The following PCDHA11 variants were observed in gnomAD, a reference collection of about 807,000 sequenced individuals.
PCDHA11 encodes the protein protocadherin alpha 11.
In PCDHA11, 61 loss-of-function variants were observed where a neutral mutation model predicts 70.3. The observed-to-expected ratio is 0.87, with a 90% CI of 0.71 to 1.07. The LOEUF is 1.07. PCDHA11 is among the 50% of genes least tolerant of loss of function. The pLI, the probability that PCDHA11 is intolerant of heterozygous loss-of-function variation, is 0.00. For missense variants in PCDHA11, 1,324 were observed against 1,237.5 expected (o/e 1.07, Z -1.05); for synonymous variants, 633 against 555.1 (o/e 1.14, Z -1.97).
chr5:140,895,786 A>G (rs2065159984), intron 1 of PCDHA11, among the ~76,000 whole-genome samples: 2 of 152,080 alleles, frequency 1.3e-5, no homozygotes, highest in Non-Finnish European at 2.9e-5. Context: ...GTATTCAATG[A>G]CGTATATGTA....
chr5:140,925,499 T>C (rs2082524680), intron 1 of PCDHA11, among the ~76,000 whole-genome samples: 1 of 152,018 alleles, frequency 6.6e-6, no homozygotes, highest in African/African-American at 2.4e-5. Flanking sequence ...ACTGTCCCAA[T>C]ATCCACGCAA....
intron 3 of PCDHA11, among the ~76,000 whole-genome samples, chr5:140,987,465 T>C (rs1554249222): frequency 6.6e-6 from 1 of 152,130 alleles, no homozygotes; most frequent in Non-Finnish European, 1.5e-5. Flanking sequence ...TGTTAAGAGC[T>C]CAAGCTTGGG....
chr5:140,910,864 A>G (rs2153516118), intron 1 of PCDHA11, among the ~76,000 whole-genome samples: 1 of 152,266 alleles, frequency 6.6e-6, no homozygotes, highest in Non-Finnish European at 1.5e-5. Context: ...TCCATCCACC[A>G]TTATCCCACA....
chr5:140,890,350 T>C (rs1199144948), intron 1 of PCDHA11, among the ~76,000 whole-genome samples: 1 of 152,186 alleles, frequency 6.6e-6, no homozygotes, highest in Non-Finnish European at 1.5e-5. Flanking sequence ...GTTTACTATA[T>C]AGCAATGGAT....
intron 1 of PCDHA11, chr5:140,967,401 G>T (rs374310490): frequency 1.2e-6 from 2 of 1,611,944 alleles, no homozygotes; most frequent in Non-Finnish European, 1.7e-6. Flanking sequence ...CTGGTGCTGC[G>T]TAAGGGCCTA....
At chr5:140,884,388 T>C in intron 1 of PCDHA11, 1 of 1,613,960 alleles carries the variant, frequency 6.2e-7, no homozygotes, top group Non-Finnish European at 8.5e-7. Flanking sequence ...ATCTGCGCGG[T>C]GTCCAGCCTG....
chr5:141,000,774 G>A (rs1399583734), intron 3 of PCDHA11, among the ~76,000 whole-genome samples: 1 of 151,828 alleles, frequency 6.6e-6, no homozygotes, highest in Non-Finnish European at 1.5e-5. Context: ...AGGCATAGTG[G>A]CGCACACCTG....
intron 1 of PCDHA11, among the ~76,000 whole-genome samples, chr5:140,873,350 A>G (rs251374): frequency 0.7 from 106,869 of 152,104 alleles, 38,096 homozygotes; most frequent in African/African-American, 0.82. Context: ...TCCAGATGAA[A>G]TTTTTGGAAT....
At chr5:140,982,230 C>G (rs943404054) in intron 2 of PCDHA11, 9 of 619,854 alleles carry the variant, frequency 1.5e-5, no homozygotes, top group Admixed American at 3.8e-5. Flanking sequence ...TAATAAAAAA[C>G]AGAATTGCCA....
At chr5:140,978,924 GA>G (rs781894146) in intron 1 of PCDHA11, 24 bp from the exon 2 acceptor site, 202 of 1,613,894 alleles carry the variant, frequency 1.3e-4, no homozygotes, top group Middle Eastern at 6.6e-4. Context: ...CATTTTAACA[GA>G]AAACTCTCTT....
At position 140,869,217 on chromosome 5, in the gene PCDHA11, G is replaced by A; in HGVS notation, c.114G>A (p.Glu38=). The A allele has an allele frequency of 1.2e-6, 2 of 1,613,842 alleles. No homozygotes were observed. The highest frequency in any genetic ancestry group is 1.1e-5 in the South Asian group (1 of 91,068). ...SGQLHYSVSE[E]AKHGTFVGRI... ...AGCTCCACTACTCCGTCTCGGAGGA[G>A]GCCAAACACGGCACCTTCGTGGGCC... is the stretch of plus-strand genomic sequence containing the variant. Residue 38 remains glutamate (E), a synonymous_variant, in exon 1 of 4, where the codon GAG becomes GAA. Coordinates refer to ENST00000398640, the MANE Select transcript of PCDHA11 (RefSeq NM_018902.5).
At chr5:140,928,817 G>A (rs868908592) in intron 1 of PCDHA11, 1 of 1,614,118 alleles carries the variant, frequency 6.2e-7, no homozygotes, top group Non-Finnish European at 8.5e-7. Flanking sequence ...CGGGACCATG[G>A]AGACCCACCA....
chr5:140,935,157 A>G (rs982054485), intron 1 of PCDHA11, among the ~76,000 whole-genome samples: 1 of 152,214 alleles, frequency 6.6e-6, no homozygotes, highest in Non-Finnish European at 1.5e-5. Context: ...TATAATCTCA[A>G]CAACAGGTGT....
At chr5:140,897,560 T>C (rs1398247980) in intron 1 of PCDHA11, among the ~76,000 whole-genome samples, 1 of 152,200 alleles carries the variant, frequency 6.6e-6, no homozygotes, top group Non-Finnish European at 1.5e-5. Flanking sequence ...GGTGTATATG[T>C]GCCACATTTT....
chr5:140,875,402 C>T, intron 1 of PCDHA11: 1 of 1,488,874 alleles, frequency 6.7e-7, no homozygotes, highest in Non-Finnish European at 8.9e-7. Flanking sequence ...AGGGTGACTG[C>T]TCATAAAATA....
chr5:140,920,387 A>G (rs1163833842), intron 1 of PCDHA11, among the ~76,000 whole-genome samples: 3 of 152,098 alleles, frequency 2.0e-5, no homozygotes, highest in African/African-American at 7.2e-5. Context: ...TCATATTACC[A>G]TCTGGTGTCT....
At chr5:140,956,554 G>C (rs546505112) in intron 1 of PCDHA11, among the ~76,000 whole-genome samples, 1 of 152,318 alleles carries the variant, frequency 6.6e-6, no homozygotes, top group East Asian at 1.9e-4. Flanking sequence ...TGGTTTGCCA[G>C]TATCTTATTG....
chr5:140,952,338 C>CA (rs55931446), intron 1 of PCDHA11, among the ~76,000 whole-genome samples: 315 of 135,024 alleles, frequency 2.3e-3, no homozygotes, highest in East Asian at 0.011. Context: ...AACTCCATCT[C>CA]AAAAAAAAAA....
Position 141,010,990 on chromosome 5 carries a change from A to G in PCDHA11, c.*1053A>G, listed in dbSNP as rs1399914066. The stretch of plus-strand genomic sequence containing the variant: ...GTGCTTTAAGAGAATTGCCTGAAAC[A>G]TCTGTATTATATCGGCCACCTGCCA... On this transcript the variant is annotated 3_prime_UTR_variant, in exon 4 of 4. Transcript: ENST00000398640. The G allele has an allele frequency of 6.5e-6, 1 of 153,770 alleles. No individual in the cohort carries two copies. Among genetic ancestry groups the G allele is most frequent in the Non-Finnish European group, 1.5e-5 (1 of 68,054 alleles). 9.5% of individuals were successfully genotyped at this position (153,770 alleles called of 1,614,324 possible). A position where few individuals can be genotyped will look rare whatever the true frequency, so the allele number is the denominator to read the frequency against.
Sources: allele counts gnomAD v4.1 joint callset (sites outside exome capture counted in the v4.1 genomes callset), GRCh38; gene constraint gnomAD v4.1.1; transcripts MANE v1.5; gene names NCBI Gene and HGNC (gene_info 2026-07-23, HGNC 2026-07-21).